Variants in NBEA observed in about 807,000 individuals in gnomAD.
NBEA encodes lysosomal-trafficking regulator 2.
A neutral mutation model predicts 343.4 loss-of-function variants in NBEA; 44 were observed. The ratio of observed to expected loss-of-function variants is 0.13; its 90% CI spans 0.10 to 0.16. NBEA has a LOEUF of 0.16. Ranked by LOEUF, NBEA falls within the 10% of genes least tolerant of loss-of-function variation. The probability of loss-of-function intolerance (pLI) is 1.00; values close to 1 mark genes in which losing one functional copy is unlikely to be tolerated. For synonymous variants in NBEA, 1,175 were observed against 1,238.7 expected (o/e 0.95, Z 1.08); for missense variants, 2,555 against 3,631.3 (o/e 0.70, Z 7.62).
At chr13:35,328,625 C>G (rs1327455172) in intron 36 of NBEA, among the ~76,000 whole-genome samples, 1 of 151,724 alleles carries the variant, frequency 6.6e-6, no homozygotes, top group Admixed American at 6.6e-5. Context: ...AATATATATA[C>G]CAACTATATA....
chr13:35,046,979 G>A (rs1420411988), intron 4 of NBEA, among the ~76,000 whole-genome samples: 3 of 151,764 alleles, frequency 2.0e-5, no homozygotes, highest in East Asian at 1.9e-4. Context: ...TAAAAAATTC[G>A]GTTGTTTTTC....
chr13:35,221,084 G>A (rs559475661), intron 33 of NBEA, among the ~76,000 whole-genome samples: 20 of 152,070 alleles, frequency 1.3e-4, no homozygotes, highest in Non-Finnish European at 2.5e-4. Context: ...GATGGCTCAC[G>A]ACTGTAATCC....
At chr13:35,266,007 CAAAT>C (rs2033641558) in intron 34 of NBEA, among the ~76,000 whole-genome samples, 1 of 151,634 alleles carries the variant, frequency 6.6e-6, no homozygotes, top group Non-Finnish European at 1.5e-5. Context: ...AGCCAGAAAA[CAAAT>C]AACTTGATTT....
chr13:35,110,056 GT>G (rs1158865546), intron 12 of NBEA, among the ~76,000 whole-genome samples: 2,101 of 78,258 alleles, frequency 0.027, 57 homozygotes, highest in African/African-American at 0.085. Context: ...TTTTTTAAAT[GT>G]TTTTTTTTTT....
chr13:35,577,479 A>G (rs898587002), intron 45 of NBEA, among the ~76,000 whole-genome samples: 1 of 152,174 alleles, frequency 6.6e-6, no homozygotes, highest in African/African-American at 2.4e-5. Flanking sequence ...CCTATTCATC[A>G]TATCATTTCC....
intron 41 of NBEA, among the ~76,000 whole-genome samples, chr13:35,491,485 A>C (rs1307427118): frequency 1.3e-5 from 2 of 151,904 alleles, no homozygotes; most frequent in Non-Finnish European, 2.9e-5. Context: ...TCTGTACCTC[A>C]GTAAACTGCA....
intron 35 of NBEA, among the ~76,000 whole-genome samples, chr13:35,307,939 T>G (rs1431964325): frequency 6.6e-6 from 1 of 152,042 alleles, no homozygotes; most frequent in South Asian, 2.1e-4. Flanking sequence ...ATAGCAGTCT[T>G]GTCATTTGGA....
chr13:35,512,228 C>A (rs1476993961), intron 41 of NBEA, among the ~76,000 whole-genome samples: 1 of 152,160 alleles, frequency 6.6e-6, no homozygotes, highest in African/African-American at 2.4e-5. Context: ...CAATTAAAAT[C>A]TTGGCTGCAT....
chr13:35,647,602 T>C (rs1049293086), intron 51 of NBEA, among the ~76,000 whole-genome samples: 1 of 152,158 alleles, frequency 6.6e-6, no homozygotes, highest in African/African-American at 2.4e-5. Flanking sequence ...AGAATCTCAC[T>C]GTCACCCAGG....
At chr13:35,458,203 T>C (rs1325407072) in intron 40 of NBEA, among the ~76,000 whole-genome samples, 2 of 152,322 alleles carry the variant, frequency 1.3e-5, no homozygotes, top group East Asian at 3.9e-4. Context: ...TTTCAATTTC[T>C]CCATATCCTC....
chr13:35,244,761 G>A (rs2030921215), intron 34 of NBEA, among the ~76,000 whole-genome samples: 1 of 152,118 alleles, frequency 6.6e-6, no homozygotes, highest in African/African-American at 2.4e-5. Flanking sequence ...AGCATGGGAT[G>A]TGTTTTTGTT....
intron 47 of NBEA, among the ~76,000 whole-genome samples, chr13:35,600,608 T>C (rs1269395067): frequency 6.6e-6 from 1 of 152,164 alleles, no homozygotes; most frequent in South Asian, 2.1e-4. Flanking sequence ...AATGTATTGT[T>C]TTATAAACAT....
Position 35,665,128 on chromosome 13 carries a change from T to C in NBEA, c.8406T>C (p.His2802=). The C allele has an allele frequency of 6.3e-7, 1 of 1,588,740 alleles. No homozygotes were observed. The highest frequency in any genetic ancestry group is 1.1e-5 in the South Asian group (1 of 87,032). Residue 2802 remains histidine (H), a synonymous_variant, in exon 56 of 59, where the codon CAT becomes CAC. Coordinates refer to ENST00000379939, the MANE Select transcript of NBEA (RefSeq NM_001385012.1). ...GAGCCGTCCTCACAGGCCATGACCA[T>C]GAAGTTGTCTGTGTTTCTGTCTGTG... ...APRAVLTGHD[H]EVVCVSVCAE...
At chr13:35,073,681 C>T (rs954312912) in intron 10 of NBEA, among the ~76,000 whole-genome samples, 1 of 152,016 alleles carries the variant, frequency 6.6e-6, no homozygotes, top group Non-Finnish European at 1.5e-5. Flanking sequence ...TGGCTAACGT[C>T]TGTAATCCCA....
chr13:35,452,710 C>T (rs1054586150), intron 40 of NBEA, among the ~76,000 whole-genome samples: 5 of 152,158 alleles, frequency 3.3e-5, no homozygotes, highest in African/African-American at 1.2e-4. Context: ...AAGCCACTAG[C>T]AGATATTCTT....
At chr13:34,971,532 T>C (rs1399851654) in intron 1 of NBEA, among the ~76,000 whole-genome samples, 1 of 152,254 alleles carries the variant, frequency 6.6e-6, no homozygotes, top group East Asian at 1.9e-4. Context: ...ATTTCTTCAA[T>C]ACCTAGGTTA....
In NBEA at chr13:35,431,986, G is replaced by T. The variant is rs188531231; in HGVS notation, c.6180-283G>T. On this transcript the variant is annotated intron_variant, in intron 38 of 58. Transcript: ENST00000379939. ...TGTTACTAAACTCCACATGATTAAT[G>T]CTTTTAGTAGAAAGAAGAAAGTTTT... 3.9e-5 allele frequency among the ~76,000 whole-genome samples: 6 copies of T among 152,144 alleles called. No homozygotes were observed. The East Asian group carries it at 1.2e-3, about 29-fold the overall frequency.
chr13:35,392,489 T>TG (rs1420408667), intron 38 of NBEA, among the ~76,000 whole-genome samples: 1 of 151,028 alleles, frequency 6.6e-6, no homozygotes, highest in African/African-American at 2.5e-5. Context: ...TTTTTGTTTT[T>TG]TTTTTTTGCC....
At chr13:35,433,888 T>C (rs1294273371) in intron 39 of NBEA, among the ~76,000 whole-genome samples, 1 of 152,046 alleles carries the variant, frequency 6.6e-6, no homozygotes, top group Admixed American at 6.6e-5. Context: ...AAACCTTCAT[T>C]TCATTTAACC....
Sources: allele counts gnomAD v4.1 joint callset (sites outside exome capture counted in the v4.1 genomes callset), GRCh38; gene constraint gnomAD v4.1.1; transcripts MANE v1.5; gene names NCBI Gene and HGNC (gene_info 2026-07-23, HGNC 2026-07-21).